CDH18: variants seen among roughly 807,000 people sequenced by gnomAD.
CDH18 encodes the protein cadherin-18.
In CDH18, 31 loss-of-function variants were observed where a neutral mutation model predicts 67.9. The observed-to-expected ratio is 0.46, with a 90% CI of 0.34 to 0.62. The LOEUF is 0.62. CDH18 is among the 20% of genes least tolerant of loss of function. The pLI is 0.01. For synonymous variants in CDH18, 362 were observed against 347.2 expected, an observed-to-expected ratio of 1.04 and a Z score of -0.48; for missense variants, 890 against 975.5, an observed-to-expected ratio of 0.91 and a Z score of 1.17.
intron 1 of CDH18, among the ~76,000 whole-genome samples, chr5:20,568,382 G>C (rs1239017550): frequency 6.6e-6 from 1 of 152,078 alleles, no homozygotes; most frequent in Non-Finnish European, 1.5e-5. Context: ...CTGTCACTTA[G>C]ATTGAAGGAA....
chr5:20,546,824 C>T (rs949101436), intron 1 of CDH18, among the ~76,000 whole-genome samples: 3 of 151,816 alleles, frequency 2.0e-5, no homozygotes, highest in African/African-American at 7.3e-5. Context: ...GCCTTTCAAC[C>T]AAGCATACTG....
At chr5:19,940,792 T>C (rs909980083) in intron 2 of CDH18, among the ~76,000 whole-genome samples, 2 of 152,086 alleles carry the variant, frequency 1.3e-5, no homozygotes, top group African/African-American at 4.8e-5. Context: ...ATTTTCTTCA[T>C]AGCACTTACC....
chr5:19,607,303 C>A (rs998602449), intron 6 of CDH18, among the ~76,000 whole-genome samples: 1 of 151,166 alleles, frequency 6.6e-6, no homozygotes, highest in East Asian at 1.9e-4. Context: ...CTATTTAACA[C>A]AACAGCAACA....
chr5:20,412,274 C>T (rs992087436), intron 1 of CDH18, among the ~76,000 whole-genome samples: 2 of 152,044 alleles, frequency 1.3e-5, no homozygotes, highest in African/African-American at 2.4e-5. Flanking sequence ...AGGGAAAGGA[C>T]ATAGTGTTCA....
chr5:20,270,804 TA>T (rs34393754), intron 1 of CDH18, among the ~76,000 whole-genome samples: 43,851 of 151,904 alleles, frequency 0.29, 7,175 homozygotes, highest in Non-Finnish European at 0.36. Flanking sequence ...TACACAACCA[TA>T]AAAAAATGAG....
intron 5 of CDH18, among the ~76,000 whole-genome samples, chr5:19,716,303 T>G (rs1765331164): frequency 6.6e-6 from 1 of 152,098 alleles, no homozygotes; most frequent in Non-Finnish European, 1.5e-5. Context: ...TAAGTAGTAT[T>G]CTAGAATTTG....
intron 2 of CDH18, among the ~76,000 whole-genome samples, chr5:19,974,368 C>A (rs1479028275): frequency 2.6e-5 from 4 of 151,652 alleles, no homozygotes; most frequent in Admixed American, 1.3e-4. Flanking sequence ...CCCGTCTCTA[C>A]TAAAATATAA....
At chr5:20,524,312 C>G (rs1670334779) in intron 1 of CDH18, among the ~76,000 whole-genome samples, 1 of 152,090 alleles carries the variant, frequency 6.6e-6, no homozygotes, top group South Asian at 2.1e-4. Context: ...TCTTTAAACA[C>G]AGGACAATAA....
At chr5:20,111,507 T>TTCCCTCCC (rs1213839152) in intron 2 of CDH18, among the ~76,000 whole-genome samples, 2 of 145,856 alleles carry the variant, frequency 1.4e-5, no homozygotes, top group East Asian at 4.0e-4. Context: ...TCTTCCTTCC[T>TTCCCTCCC]TCCCTCCCTC....
At chr5:19,501,048 G>A (rs922114653) in intron 11 of CDH18, among the ~76,000 whole-genome samples, 5 of 151,640 alleles carry the variant, frequency 3.3e-5, no homozygotes, top group South Asian at 2.1e-4. Context: ...AAGGAGAATC[G>A]CTTGGACCCA....
chr5:19,913,052 T>C (rs1791329227), intron 2 of CDH18, among the ~76,000 whole-genome samples: 1 of 152,036 alleles, frequency 6.6e-6, no homozygotes, highest in African/African-American at 2.4e-5. Context: ...TCCATCACTG[T>C]GGAGAGAAAG....
At chr5:19,772,908 T>C (rs112430625) in intron 3 of CDH18, among the ~76,000 whole-genome samples, 4 of 152,298 alleles carry the variant, frequency 2.6e-5, no homozygotes, top group African/African-American at 7.2e-5. Context: ...ATTGGTTATA[T>C]ACTAAATGAC....
intron 2 of CDH18, among the ~76,000 whole-genome samples, chr5:20,039,773 G>C (rs768302332): frequency 2.6e-5 from 4 of 152,094 alleles, no homozygotes; most frequent in South Asian, 2.1e-4. Flanking sequence ...ATACCATTCA[G>C]GACATAGGCA....
intron 10 of CDH18, among the ~76,000 whole-genome samples, chr5:19,516,942 A>C (rs1241638612): frequency 6.6e-6 from 1 of 152,080 alleles, no homozygotes; most frequent in Non-Finnish European, 1.5e-5. Flanking sequence ...GCTATAAATA[A>C]TTGTGCACAT....
At chr5:19,846,812 T>C (rs1470194118) in intron 2 of CDH18, among the ~76,000 whole-genome samples, 1 of 152,192 alleles carries the variant, frequency 6.6e-6, no homozygotes, top group South Asian at 2.1e-4. Flanking sequence ...AAGACAGGTC[T>C]TGTGGTAATG....
rs534923377 is a variant in CDH18 at position 20,512,855 on chromosome 5, G to A, written c.-580+62607C>T. On this transcript the variant is annotated intron_variant, in intron 1 of 14. Coordinates refer to the CDH18 transcript ENST00000507958. ...GCCAAGATTGCACTACTGCACTCCAGCCTGGGTGACAGAGCAAGACTCTGT... is the reference window on the plus strand; with the variant it reads ...GCCAAGATTGCACTACTGCACTCCAACCTGGGTGACAGAGCAAGACTCTGT... Among the ~76,000 whole-genome samples the A allele has an allele frequency of 9.6e-5, 14 of 145,772 alleles. No individual in the cohort carries two copies. The East Asian group carries it at 2.2e-3, about 23-fold the overall frequency.
chr5:20,096,640 C>T (rs1174701794), intron 2 of CDH18, among the ~76,000 whole-genome samples: 5 of 152,128 alleles, frequency 3.3e-5, no homozygotes, highest in Non-Finnish European at 5.9e-5. Context: ...AAATAACATT[C>T]ACTTAAAAAT....
intron 11 of CDH18, among the ~76,000 whole-genome samples, chr5:19,499,909 T>C (rs1742958820): frequency 6.6e-6 from 1 of 152,174 alleles, no homozygotes; most frequent in Non-Finnish European, 1.5e-5. Context: ...CATCCTGGTT[T>C]CGGGGCTATG....
chr5:19,892,302 T>C (rs913009982), intron 2 of CDH18, among the ~76,000 whole-genome samples: 2 of 152,146 alleles, frequency 1.3e-5, no homozygotes, highest in Non-Finnish European at 2.9e-5. Context: ...GGAAAAATAA[T>C]GCGGTGATAT....
Sources: allele counts gnomAD v4.1 joint callset (sites outside exome capture counted in the v4.1 genomes callset), GRCh38; gene constraint gnomAD v4.1.1; transcripts MANE v1.5; gene names NCBI Gene and HGNC (gene_info 2026-07-23, HGNC 2026-07-21).